Variants in VPS4A observed in about 807,000 individuals in gnomAD.
VPS4A encodes the protein vacuolar protein sorting 4 homolog A.
A neutral mutation model predicts 52.3 loss-of-function variants in VPS4A; 20 were observed. That is an observed-to-expected ratio of 0.38 (90% CI 0.27 to 0.56). The LOEUF (loss-of-function observed/expected upper bound fraction) is 0.56, where lower values mean the gene tolerates loss of function less well. Among genes scored for constraint, VPS4A ranks in the 20% least tolerant of loss-of-function variants. VPS4A has a pLI of 0.72. For missense variants in VPS4A, 419 were observed against 575.9 expected (o/e 0.73, Z 2.79); for synonymous variants, 293 against 227.7 (o/e 1.29, Z -2.58).
In VPS4A at chr16:69,319,276, GTT is replaced by G. The variant is rs1413240164; in HGVS notation, c.464-110_464-109del. On this transcript the variant is annotated intron_variant, in intron 5 of 10. Transcript: ENST00000254950. ...CATCACTTGTTTGCCAGTAGAGTCC[GTT>G]GTTTCACAGAATGCCCTGTTTTACT... 4.1e-6 allele frequency: 6 copies of G among 1,471,790 alleles called. No homozygotes were observed. The Admixed American group carries it at 1.2e-4, about 29-fold the overall frequency. 91.2% of individuals were successfully genotyped at this position (1,471,790 alleles called of 1,614,324 possible). A position where few individuals can be genotyped will look rare whatever the true frequency, so the allele number is the denominator to read the frequency against.
chr16:69,322,780 C>A, intron 10 of VPS4A, 80 bp downstream of exon 10: 1 of 1,515,350 alleles, frequency 6.6e-7, no homozygotes, highest in South Asian at 1.3e-5. Context: ...TAAAAACGGT[C>A]TTCTCCAGGC....
chr16:69,320,026 G>T lies in VPS4A; in HGVS notation c.621-115G>T. 7.2e-7 allele frequency: 1 copy of T among 1,393,286 alleles called. No individual in the cohort carries two copies. The highest frequency in any genetic ancestry group is 9.6e-7 in the Non-Finnish European group (1 of 1,037,486). 86.3% of individuals were successfully genotyped at this position (1,393,286 alleles called of 1,614,324 possible). ...TCACCACCACGTTTTCCGCAATTCC[G>T]GCATGACCGTGGCCTGCGCCTCCCT... On this transcript the variant is annotated intron_variant, in intron 6 of 10. Coordinates refer to ENST00000254950, the MANE Select transcript of VPS4A (RefSeq NM_013245.3). This position sits in a 1 kb window ranked among gnomAD's most constrained non-coding sequence, Gnocchi z 4.2.
chr16:69,313,450 T>G (rs1294942087), intron 1 of VPS4A, among the ~76,000 whole-genome samples: 1 of 152,182 alleles, frequency 6.6e-6, no homozygotes, highest in African/African-American at 2.4e-5. Context: ...AATCTACTTT[T>G]TTTCTCTGTG....
chr16:69,321,042 G>GCT lies in VPS4A; in HGVS notation c.852-4_852-3dup. On this transcript the variant is annotated splice_polypyrimidine_tract_variant and intron_variant, in intron 8 of 10. Transcript: ENST00000254950. This position sits in a 1 kb window ranked among gnomAD's most constrained non-coding sequence, Gnocchi z 4.5. ...GCTGTCAACTCCTGCCGTGTGCTGGGCTCTCTAGGTTTGAAAAACGAATTT... is the reference window on the plus strand; with the variant it reads ...GCTGTCAACTCCTGCCGTGTGCTGGGCTCTCTCTAGGTTTGAAAAACGAATTT... 1 of 1,570,290 alleles carries GCT rather than the reference G, an allele frequency of 6.4e-7. No individual in the cohort carries two copies. Among genetic ancestry groups the GCT allele is most frequent in the Non-Finnish European group, 8.6e-7 (1 of 1,157,140 alleles).
At position 69,311,660 on chromosome 16, in the gene VPS4A, C is replaced by A. The variant is rs1336729725; in HGVS notation, c.21+128C>A. On this transcript the variant is annotated intron_variant, in intron 1 of 10. Coordinates refer to ENST00000254950, the MANE Select transcript of VPS4A (RefSeq NM_013245.3). Reference sequence around the variant, plus strand: ...CCCGGCCTCGCGACCCCGCTCCGGCCGCCCCCTCGCCGCTTCCGCCCGTGT... The same window carrying A: ...CCCGGCCTCGCGACCCCGCTCCGGCAGCCCCCTCGCCGCTTCCGCCCGTGT... 3.1e-6 allele frequency: 3 copies of A among 966,192 alleles called. No individual in the cohort carries two copies. In the East Asian group the frequency reaches 1.1e-4, roughly 37 times the overall value. The allele number at this position is 966,192 out of a possible 1,614,324, so 59.9% of individuals were successfully genotyped here. A position where few individuals can be genotyped will look rare whatever the true frequency, so the allele number is the denominator to read the frequency against.
chr16:69,316,588 T>C (rs913786662), intron 3 of VPS4A, among the ~76,000 whole-genome samples: 7 of 152,270 alleles, frequency 4.6e-5, no homozygotes, highest in African/African-American at 1.4e-4. Flanking sequence ...GAGGGGGAGC[T>C]TGGTGCAGAT....
At chr16:69,317,070 G>C (rs1425380596) in intron 3 of VPS4A, among the ~76,000 whole-genome samples, 1 of 152,160 alleles carries the variant, frequency 6.6e-6, no homozygotes, top group African/African-American at 2.4e-5. Context: ...GGGGTGGGTG[G>C]TGTCAGCTGC....
intron 3 of VPS4A, 142 bp downstream of exon 3, chr16:69,316,514 G>A: frequency 1.7e-6 from 2 of 1,157,344 alleles, no homozygotes; most frequent in Admixed American, 2.5e-5. Context: ...TGCTTTCAGG[G>A]AGCATGGCCT....
chr16:69,316,355 C>A lies in VPS4A; in HGVS notation c.264C>A (p.Asn88Lys). Residue 88 changes from asparagine (N) to lysine (K), a missense_variant, in exon 3 of 11, where the codon AAC becomes AAA. Asn to Lys is a moderately conservative substitution (Grantham distance 94). This residue lies in a region of VPS4A where 131 missense variants were observed against 165.4 expected (regional missense o/e 0.79). Transcript: ENST00000254950. The part of the protein sequence containing the change: ...EKHGKKPVKE[N>K]QSEGKGSDSD... ...ACGGCAAGAAGCCAGTCAAAGAGAA[C>A]CAGAGTGAGGGCAAGGGGTGAGTGT... is the stretch of plus-strand genomic sequence containing the variant. The A allele has an allele frequency of 1.9e-6, 3 of 1,613,766 alleles. No individual in the cohort carries two copies. Among genetic ancestry groups the A allele is most frequent in the Non-Finnish European group, 2.5e-6 (3 of 1,179,826 alleles).
intron 3 of VPS4A, among the ~76,000 whole-genome samples, chr16:69,316,800 G>C (rs952122977): frequency 6.6e-6 from 1 of 152,226 alleles, no homozygotes; most frequent in African/African-American, 2.4e-5. Context: ...GCCAGCTGCT[G>C]TGACTGTCAA....
Position 69,319,420 on chromosome 16 carries a change from T to G in VPS4A, c.497T>G (p.Phe166Cys), listed in dbSNP as rs2143260582. The change falls in exon 6 of 11, where the codon TTC becomes TGC. Residue 166 changes from phenylalanine (F) to cysteine (C), a missense_variant. This residue lies in a region of VPS4A where 103 missense variants were observed against 210.3 expected (regional missense o/e 0.49). Transcript: ENST00000254950. Reference sequence around the variant, plus strand: ...ACCCCCTGGCGGGGGATTCTGCTGTTCGGACCCCCTGGCACAGGGAAATCC... The same window carrying G: ...ACCCCCTGGCGGGGGATTCTGCTGTGCGGACCCCCTGGCACAGGGAAATCC... ...KRTPWRGILLFGPPGTGKSYL... is the reference protein window; with the variant it reads ...KRTPWRGILLCGPPGTGKSYL... The G allele has an allele frequency of 6.2e-7, 1 of 1,614,044 alleles. No individual in the cohort carries two copies. The highest frequency in any genetic ancestry group is 2.2e-5 in the East Asian group (1 of 44,888).
chr16:69,325,860 C>T lies in VPS4A; in HGVS notation c.*1551C>T, dbSNP rs896963955. The T allele has an allele frequency of 6.6e-6, 1 of 152,226 alleles. No homozygotes were observed. The highest frequency in any genetic ancestry group is 1.5e-5 in the Non-Finnish European group (1 of 68,094). The allele number at this position is 152,226 out of a possible 1,614,324, so 9.4% of individuals were successfully genotyped here. ...GTCAGCGGCCACTAAGTAGAGGCTG[C>T]TCTGTACAGAAGGGGTCCCCCATCC... On this transcript the variant is annotated 3_prime_UTR_variant, in exon 11 of 11. Coordinates refer to ENST00000254950, the MANE Select transcript of VPS4A (RefSeq NM_013245.3).
At position 69,326,200 on chromosome 16, in the gene VPS4A, T is replaced by C. The variant is rs1965592479; in HGVS notation, c.*1891T>C. 1.3e-5 allele frequency: 2 copies of C among 152,288 alleles called. No homozygotes were observed. Among genetic ancestry groups the C allele is most frequent in the Non-Finnish European group, 2.9e-5 (2 of 68,084 alleles). The allele number at this position is 152,288 out of a possible 1,614,324, so 9.4% of individuals were successfully genotyped here. A position where few individuals can be genotyped will look rare whatever the true frequency, so the allele number is the denominator to read the frequency against. ...CAGAACTGATTACATGGCCAACTCTTGGCTCACACTGGGCTTGCACTGGGC... is the reference window on the plus strand; with the variant it reads ...CAGAACTGATTACATGGCCAACTCTCGGCTCACACTGGGCTTGCACTGGGC... On this transcript the variant is annotated 3_prime_UTR_variant, in exon 11 of 11. Coordinates refer to ENST00000254950, the MANE Select transcript of VPS4A (RefSeq NM_013245.3).
rs745673182 is a variant in VPS4A at position 69,320,746 on chromosome 16, G to T, written c.828G>T (p.Val276=). The part of the protein sequence containing the change: ...LVLGATNIPW[V]LDSAIRRRFE... ...TTGGAGCCACAAACATCCCATGGGT[G>T]TTGGATTCGGCCATCAGGAGGAGGT... The change falls in exon 8 of 11, where the codon GTG becomes GTT. Residue 276 remains valine (V), a synonymous_variant. Transcript: ENST00000254950. The surrounding 1 kb of genome is among the most constrained non-coding windows in gnomAD (Gnocchi z 4.2). 31 of 1,608,110 alleles carry T rather than the reference G, an allele frequency of 1.9e-5. No individual in the cohort carries two copies. In the South Asian group the frequency reaches 2.9e-4, roughly 15 times the overall value.
chr16:69,322,251 T>C (rs568609060), intron 9 of VPS4A: 20 of 223,202 alleles, frequency 9.0e-5, no homozygotes, highest in Non-Finnish European at 1.5e-4. Flanking sequence ...GGGAGATAGA[T>C]ACAGTTCAAG....
chr16:69,324,401 G>T lies in VPS4A; in HGVS notation c.*92G>T. ...GTCAACAGCCAGACAGGGCTCCAGG[G>T]CTTGTCCCAGTCAATACAGAGTTCC... On this transcript the variant is annotated 3_prime_UTR_variant, in exon 11 of 11. Coordinates refer to ENST00000254950, the MANE Select transcript of VPS4A (RefSeq NM_013245.3). 1 of 1,331,098 alleles carries T rather than the reference G, an allele frequency of 7.5e-7. No individual in the cohort carries two copies. The highest frequency in any genetic ancestry group is 1.1e-6 in the Non-Finnish European group (1 of 947,464). 82.5% of individuals were successfully genotyped at this position (1,331,098 alleles called of 1,614,324 possible).
rs993992039 is a variant in VPS4A at position 69,325,874 on chromosome 16, G to T, written c.*1565G>T. The T allele has an allele frequency of 2.6e-5, 4 of 152,184 alleles. No individual in the cohort carries two copies. Among genetic ancestry groups the T allele is most frequent in the African/African-American group, 9.7e-5 (4 of 41,378 alleles). 9.4% of individuals were successfully genotyped at this position (152,184 alleles called of 1,614,324 possible). A position where few individuals can be genotyped will look rare whatever the true frequency, so the allele number is the denominator to read the frequency against. On this transcript the variant is annotated 3_prime_UTR_variant, in exon 11 of 11. Transcript: ENST00000254950. ...AGTAGAGGCTGCTCTGTACAGAAGGGGTCCCCCATCCCCACTCATCTGTGT... is the reference window on the plus strand; with the variant it reads ...AGTAGAGGCTGCTCTGTACAGAAGGTGTCCCCCATCCCCACTCATCTGTGT...
In VPS4A at chr16:69,321,592, A is replaced by AT; in HGVS notation, c.1071+323dup. 2.8e-6 allele frequency: 1 copy of AT among 363,450 alleles called. No homozygotes were observed. The highest frequency in any genetic ancestry group is 5.2e-6 in the Non-Finnish European group (1 of 193,824). 22.5% of individuals were successfully genotyped at this position (363,450 alleles called of 1,614,324 possible). ...CAAATCAGTGTTTGGAAAGTGTTGG[A>AT]TATAAAATGACCAGGAAGACCTGTC... On this transcript the variant is annotated intron_variant, in intron 9 of 10. Transcript: ENST00000254950. This position sits in a 1 kb window ranked among gnomAD's most constrained non-coding sequence, Gnocchi z 4.5.
At position 69,324,245 on chromosome 16, in the gene VPS4A, C is replaced by T. The variant is rs1187048520; in HGVS notation, c.1250C>T (p.Thr417Met). 2 of 1,613,764 alleles carry T rather than the reference C, an allele frequency of 1.2e-6. No homozygotes were observed. The highest frequency in any genetic ancestry group is 1.7e-6 in the Non-Finnish European group (2 of 1,179,880). The part of the protein sequence containing the change: ...MLRSLATTRP[T>M]VNADDLLKVK... ...CGGTCTCTGGCCACCACCCGGCCCA[C>T]GGTGAATGCAGACGACCTCCTGAAA... is the stretch of plus-strand genomic sequence containing the variant. Residue 417 changes from threonine to methionine, a missense_variant, in exon 11 of 11, where the codon ACG becomes ATG. Physicochemically the swap from Thr to Met is moderately conservative, Grantham distance 81. Coordinates refer to ENST00000254950, the MANE Select transcript of VPS4A (RefSeq NM_013245.3).
Sources: gnomAD v4.1 joint callset for allele counts (sites outside exome capture counted in the v4.1 genomes callset) on GRCh38, gnomAD v4.1.1 for gene constraint, gnomAD v4.1.1 regional missense constraint, Gnocchi (gnomAD v3.1) non-coding constraint, MANE v1.5 for transcripts, NCBI Gene and HGNC (gene_info 2026-07-23, HGNC 2026-07-21) for gene names.